Variants in SMAD1 observed in about 807,000 individuals in gnomAD.
The protein encoded by SMAD1 is SMAD family member 1.
A neutral mutation model predicts 41.6 loss-of-function variants in SMAD1; 6 were observed. That is an observed-to-expected ratio of 0.14 (90% CI 0.08 to 0.28). SMAD1 has a LOEUF of 0.28. Among genes scored for constraint, SMAD1 ranks in the 10% least tolerant of loss-of-function variants. The pLI is 1.00. For synonymous variants in SMAD1, 206 were observed against 203.2 expected (o/e 1.01, Z -0.12); for missense variants, 379 against 582.6 (o/e 0.65, Z 3.60).
intron 2 of SMAD1, among the ~76,000 whole-genome samples, chr4:145,518,908 G>A (rs1362293467): frequency 8.0e-6 from 1 of 125,418 alleles, no homozygotes; most frequent in Non-Finnish European, 2.0e-5. Flanking sequence ...ACAAATAATT[G>A]TATATATTTG....
chr4:145,498,504 ATT>A (rs1729226246), intron 1 of SMAD1, among the ~76,000 whole-genome samples: 1 of 151,994 alleles, frequency 6.6e-6, no homozygotes, highest in African/African-American at 2.4e-5. Context: ...GTTTTTATTT[ATT>A]TTTGTTATTG....
intron 5 of SMAD1, among the ~76,000 whole-genome samples, chr4:145,547,477 A>C (rs995099479): frequency 2.0e-5 from 3 of 152,214 alleles, no homozygotes; most frequent in Admixed American, 1.3e-4. Context: ...TAAAGACCAA[A>C]AAACAAGCCT....
chr4:145,514,916 T>C lies in SMAD1; in HGVS notation c.303T>C (p.His101=). 3 of 1,614,028 alleles carry C rather than the reference T, an allele frequency of 1.9e-6. No individual in the cohort carries two copies. Among genetic ancestry groups the C allele is most frequent in the Non-Finnish European group, 2.5e-6 (3 of 1,180,008 alleles). The change falls in exon 2 of 7, where the codon CAT becomes CAC. Residue 101 remains histidine, a synonymous_variant. Coordinates refer to ENST00000302085, the MANE Select transcript of SMAD1 (RefSeq NM_005900.3). The surrounding 1 kb of genome is among the most constrained non-coding windows in gnomAD (Gnocchi z 4.7). ...GCTGGCCCGATCTTCAGAGCCACCA[T>C]GAACTAAAACCACTGGAATGCTGTG... ...VWRWPDLQSH[H]ELKPLECCEF...
intron 2 of SMAD1, among the ~76,000 whole-genome samples, chr4:145,527,192 T>G (rs903125957): frequency 3.9e-5 from 6 of 152,098 alleles, no homozygotes; most frequent in African/African-American, 1.2e-4. Flanking sequence ...TGCTGGACAC[T>G]GTGCTTATCA....
At chr4:145,537,429 G>A (rs1445229815) in intron 2 of SMAD1, among the ~76,000 whole-genome samples, 2 of 152,066 alleles carry the variant, frequency 1.3e-5, no homozygotes, top group East Asian at 3.9e-4. Flanking sequence ...GGTGAATCTG[G>A]GTAAAGGGTA....
At chr4:145,505,766 C>G (rs988375254) in intron 1 of SMAD1, among the ~76,000 whole-genome samples, 1 of 151,780 alleles carries the variant, frequency 6.6e-6, no homozygotes, top group African/African-American at 2.4e-5. Flanking sequence ...ATATATCTGG[C>G]GATGTAAGTC....
At chr4:145,522,391 C>T (rs1049411222) in intron 2 of SMAD1, among the ~76,000 whole-genome samples, 9 of 152,102 alleles carry the variant, frequency 5.9e-5, no homozygotes, top group Non-Finnish European at 7.4e-5. Context: ...CACCTTAGGT[C>T]GGGAGTTCGA....
At chr4:145,508,550 T>G (rs1729912444) in intron 1 of SMAD1, among the ~76,000 whole-genome samples, 1 of 152,346 alleles carries the variant, frequency 6.6e-6, no homozygotes, top group East Asian at 1.9e-4. Flanking sequence ...ACAGTGTTTG[T>G]CAAGTAATGA....
intron 1 of SMAD1, among the ~76,000 whole-genome samples, chr4:145,487,149 A>G (rs537223717): frequency 6.6e-6 from 1 of 152,272 alleles, no homozygotes; most frequent in South Asian, 2.1e-4. Context: ...AGACCTTATT[A>G]GAAAATGGGA....
At chr4:145,489,316 G>A (rs1352979466) in intron 1 of SMAD1, among the ~76,000 whole-genome samples, 2 of 151,924 alleles carry the variant, frequency 1.3e-5, no homozygotes, top group African/African-American at 4.8e-5. Context: ...CCAGAATAAG[G>A]AAACATTGGG....
rs566851340 is a variant in SMAD1, at chr4:145,522,173, G to A, written c.400+7160G>A. Reference sequence around the variant, plus strand: ...AAATTAGCCGGGCGAGGTGGCGGGCGCCTGTAGTCCCAGCTACTCGGGAGG... The same window carrying A: ...AAATTAGCCGGGCGAGGTGGCGGGCACCTGTAGTCCCAGCTACTCGGGAGG... On this transcript the variant is annotated intron_variant, in intron 2 of 6. Coordinates refer to ENST00000302085, the MANE Select transcript of SMAD1 (RefSeq NM_005900.3). Among the ~76,000 whole-genome samples, 199 of 152,120 alleles carry A rather than the reference G, an allele frequency of 1.3e-3. 1 individual carries two copies. The highest frequency in any genetic ancestry group is 0.01 in the South Asian group (49 of 4,816).
chr4:145,540,822 A>G (rs1392510635), intron 3 of SMAD1, among the ~76,000 whole-genome samples: 4 of 152,030 alleles, frequency 2.6e-5, no homozygotes, highest in Non-Finnish European at 5.9e-5. Context: ...ACATCTATTA[A>G]TGTTTTCGGA....
chr4:145,504,261 A>G (rs1305507057), intron 1 of SMAD1, among the ~76,000 whole-genome samples: 1 of 152,232 alleles, frequency 6.6e-6, no homozygotes, highest in Non-Finnish European at 1.5e-5. Context: ...AACTGGGTTA[A>G]AGAAGCATTT....
chr4:145,556,671 C>T (rs551627790), intron 6 of SMAD1, among the ~76,000 whole-genome samples: 2 of 152,118 alleles, frequency 1.3e-5, no homozygotes, highest in South Asian at 2.1e-4. Flanking sequence ...GTTGTCCAGG[C>T]TGATCTCAAA....
chr4:145,543,669 C>A (rs942631086), intron 4 of SMAD1, among the ~76,000 whole-genome samples: 7 of 152,114 alleles, frequency 4.6e-5, no homozygotes, highest in Non-Finnish European at 7.4e-5. Context: ...ATCATTCTTC[C>A]AGCTCTACAT....
In SMAD1 at chr4:145,481,933, C is replaced by T. The variant is rs17426247; in HGVS notation, c.-282C>T. 2 of 152,278 alleles carry T rather than the reference C, an allele frequency of 1.3e-5. No individual in the cohort carries two copies. The highest frequency in any genetic ancestry group is 4.8e-5 in the African/African-American group (2 of 41,384). The allele number at this position is 152,278 out of a possible 1,614,324, so 9.4% of individuals were successfully genotyped here. On this transcript the variant is annotated 5_prime_UTR_variant, in exon 1 of 7. Transcript: ENST00000302085. Reference sequence around the variant, plus strand: ...GAGCGGCTCAACCCGGGCCGAGGCTCGGGGAGCGGAGAGTGGCGCAGCGCC... The same window carrying T: ...GAGCGGCTCAACCCGGGCCGAGGCTTGGGGAGCGGAGAGTGGCGCAGCGCC...
At chr4:145,540,360 C>T (rs1290262388) in intron 3 of SMAD1, among the ~76,000 whole-genome samples, 1 of 152,220 alleles carries the variant, frequency 6.6e-6, no homozygotes, top group African/African-American at 2.4e-5. Flanking sequence ...ACAGTCTTTA[C>T]TCTTGATAAA....
At chr4:145,555,170 A>AT in intron 6 of SMAD1, among the ~76,000 whole-genome samples, 1 of 152,186 alleles carries the variant, frequency 6.6e-6, no homozygotes, top group African/African-American at 2.4e-5. Flanking sequence ...TATTAAGAAA[A>AT]TTTTTTTACC....
At chr4:145,529,999 T>G (rs1332705050) in intron 2 of SMAD1, among the ~76,000 whole-genome samples, 25 of 152,186 alleles carry the variant, frequency 1.6e-4, no homozygotes, top group Admixed American at 1.6e-3. Context: ...ATGAACCCAC[T>G]TATAGTAGAC....
Sources: allele counts gnomAD v4.1 joint callset (sites outside exome capture counted in the v4.1 genomes callset), GRCh38; gene constraint gnomAD v4.1.1; non-coding constraint Gnocchi (gnomAD v3.1); transcripts MANE v1.5; gene names NCBI Gene and HGNC (gene_info 2026-07-23, HGNC 2026-07-21).